SH2B3: variants seen among roughly 807,000 people sequenced by gnomAD.
SH2B3 encodes SH2B adaptor protein 3, also known as SH2B adapter protein 3.
Under a neutral mutation model 51.9 loss-of-function variants are expected in SH2B3, and 43 were observed. That is an observed-to-expected ratio of 0.83 (90% CI 0.65 to 1.07). The LOEUF (loss-of-function observed/expected upper bound fraction) is 1.07. SH2B3 is among the 50% of genes least tolerant of loss of function. The probability of loss-of-function intolerance (pLI) is 0.00; values close to 1 mark genes in which losing one functional copy is unlikely to be tolerated. For synonymous variants in SH2B3, 396 were observed against 376.0 expected, an observed-to-expected ratio of 1.05 and a Z score of -0.62; for missense variants, 952 against 834.3, an observed-to-expected ratio of 1.14 and a Z score of -1.74.
Position 111,448,280 on chromosome 12 carries a change from A to G in SH2B3, c.1706A>G (p.Asp569Gly). Residue 569 changes from aspartate to glycine, a missense_variant, in exon 8 of 8, where the codon GAC becomes GGC. Asp to Gly is a moderately conservative substitution (Grantham distance 94). Transcript: ENST00000341259. ...SSSRSHLRAI[D>G]NQYTPL is the part of the protein sequence containing the mutation. ...TCCCGGAGCCACCTGCGGGCCATAG[A>G]CAATCAGTACACACCTCTCTGACCA... The G allele has an allele frequency of 1.2e-6, 2 of 1,613,126 alleles. No homozygotes were observed. The highest frequency in any genetic ancestry group is 8.5e-7 in the Non-Finnish European group (1 of 1,179,378).
rs768630945 is a variant in SH2B3, at chr12:111,447,750, C to T, written c.1331C>T (p.Ser444Leu). 1.1e-5 allele frequency: 17 copies of T among 1,614,108 alleles called. No homozygotes were observed. The highest frequency in any genetic ancestry group is 4.0e-5 in the African/African-American group (3 of 75,034). ...GACATGCTCCACCACTTCCAGCGCTCGCCCATCCCACTCGAGTGCGGCGCC... is the reference window on the plus strand; with the variant it reads ...GACATGCTCCACCACTTCCAGCGCTTGCCCATCCCACTCGAGTGCGGCGCC... ...VVDMLHHFQR[S>L]PIPLECGAAC... Residue 444 changes from serine (S) to leucine (L), a missense_variant, in exon 7 of 8, where the codon TCG becomes TTG. Physicochemically the swap from Ser to Leu is moderately radical, Grantham distance 145 (BLOSUM62 -2). Coordinates refer to ENST00000341259, the MANE Select transcript of SH2B3 (RefSeq NM_005475.3).
intron 2 of SH2B3, chr12:111,444,629 T>TA (rs1162210837): frequency 3.9e-6 from 2 of 517,148 alleles, no homozygotes; most frequent in African/African-American, 2.0e-5. Flanking sequence ...GGAGGGAACC[T>TA]AAAGCCCCCA....
At chr12:111,425,234 A>AGGCCACAGTCTGCCAGGGGT (rs1871898450) in intron 2 of SH2B3, among the ~76,000 whole-genome samples, 1 of 151,958 alleles carries the variant, frequency 6.6e-6, no homozygotes, top group African/African-American at 2.4e-5. Context: ...GTGCAAGGGG[A>AGGCCACAGTCTGCCAGGGGT]GGCCACAGTC....
chr12:111,441,135 G>C (rs1843063361), intron 2 of SH2B3, among the ~76,000 whole-genome samples: 1 of 151,428 alleles, frequency 6.6e-6, no homozygotes, highest in Admixed American at 6.6e-5. Flanking sequence ...GACTCATTTT[G>C]GGAGGCCGAG....
chr12:111,411,398 A>G (rs1366797760), intron 1 of SH2B3, among the ~76,000 whole-genome samples: 3 of 152,036 alleles, frequency 2.0e-5, no homozygotes, highest in African/African-American at 7.2e-5. Flanking sequence ...CAGCAGGGGA[A>G]TTCCTACCAT....
chr12:111,413,630 C>T (rs566765197), intron 1 of SH2B3, among the ~76,000 whole-genome samples: 1 of 152,290 alleles, frequency 6.6e-6, no homozygotes, highest in Admixed American at 6.5e-5. Context: ...GTAGGACGGC[C>T]CAGGGGGCGG....
At position 111,447,015 on chromosome 12, in the gene SH2B3, CG is replaced by C. The variant is rs1484841487; in HGVS notation, c.910del (p.Glu304SerfsTer20). ...CTGAATTCATGGATGGCTGAGCTCT[CG>C]GAGTGCACAGGCCGAGGGTGAGGTC... ...QQLNSWMAEL[S>X]ECTGRGLEST... On this transcript the variant is annotated frameshift_variant, in exon 4 of 8. Coordinates refer to ENST00000341259, the MANE Select transcript of SH2B3 (RefSeq NM_005475.3). LOFTEE classifies it high-confidence loss of function. 6.2e-7 allele frequency: 1 copy of C among 1,613,970 alleles called. No individual in the cohort carries two copies. The highest frequency in any genetic ancestry group is 8.5e-7 in the Non-Finnish European group (1 of 1,179,878).
chr12:111,405,033 T>C (rs966050504), upstream of SH2B3, among the ~76,000 whole-genome samples: 1 of 151,946 alleles, frequency 6.6e-6, no homozygotes, highest in Non-Finnish European at 1.5e-5. This position sits in a 1 kb window ranked among gnomAD's most constrained non-coding sequence, Gnocchi z 5.4. Context: ...CTCCCACATG[T>C]TGGGGGAGAG....
rs1871288123 is a variant in SH2B3 at position 111,418,636 on chromosome 12, G to A, written c.491G>A (p.Gly164Glu). Residue 164 changes from glycine to glutamate, a missense_variant, in exon 2 of 8, where the codon GGG becomes GAG. Transcript: ENST00000341259. This position sits in a 1 kb window ranked among gnomAD's most constrained non-coding sequence, Gnocchi z 6.7. ...GCGGCCCACACCGCTGCCGCCCCCG[G>A]GACCCCCGGAGAGGCTGCTGAGACC... is the stretch of plus-strand genomic sequence containing the variant. ...LPAAHTAAAPGTPGEAAETPA... is the reference protein window; with the variant it reads ...LPAAHTAAAPETPGEAAETPA... The A allele has an allele frequency of 6.8e-7, 1 of 1,474,060 alleles. No homozygotes were observed. The highest frequency in any genetic ancestry group is 2.4e-5 in the Admixed American group (1 of 42,190). The allele number at this position is 1,474,060 out of a possible 1,614,324, so 91.3% of individuals were successfully genotyped here.
rs1260690615 is a variant in SH2B3 at position 111,407,521 on chromosome 12, T to C, written c.-28+1244T>C. Among the ~76,000 whole-genome samples the C allele has an allele frequency of 2.6e-5, 4 of 152,098 alleles. No individual in the cohort carries two copies. The highest frequency in any genetic ancestry group is 9.7e-5 in the African/African-American group (4 of 41,420). On this transcript the variant is annotated intron_variant, in intron 1 of 7. Transcript: ENST00000341259. The surrounding 1 kb of genome is among the most constrained non-coding windows in gnomAD (Gnocchi z 4.3). Reference sequence around the variant, plus strand: ...ACCTGGCTGCCTGAGTGGAAACAGCTCTGGAGGCTCCTCGGGACCTGCCCT... The same window carrying C: ...ACCTGGCTGCCTGAGTGGAAACAGCCCTGGAGGCTCCTCGGGACCTGCCCT...
intron 1 of SH2B3, among the ~76,000 whole-genome samples, chr12:111,417,809 T>C (rs1362986463): frequency 6.6e-6 from 1 of 152,160 alleles, no homozygotes; most frequent in African/African-American, 2.4e-5. Context: ...TATGCTTAAT[T>C]TGTTGAAAAT....
chr12:111,417,416 A>G (rs892045534), intron 1 of SH2B3, among the ~76,000 whole-genome samples: 30 of 151,946 alleles, frequency 2.0e-4, no homozygotes, highest in Admixed American at 1.8e-3. Context: ...ACTTTTCACC[A>G]TTAAGTACAA....
In SH2B3 at chr12:111,447,971, C is replaced by T. The variant is rs1593079686; in HGVS notation, c.1409-12C>T. On this transcript the variant is annotated splice_polypyrimidine_tract_variant and intron_variant, in intron 7 of 7. Transcript: ENST00000341259. ...GACTGATGGTGTGGTCTCTCTTGGTCACTTGTCCTAGGTTCCTGCAACACG... is the reference window on the plus strand; with the variant it reads ...GACTGATGGTGTGGTCTCTCTTGGTTACTTGTCCTAGGTTCCTGCAACACG... 6.3e-7 allele frequency: 1 copy of T among 1,594,214 alleles called. No individual in the cohort carries two copies. The highest frequency in any genetic ancestry group is 8.6e-7 in the Non-Finnish European group (1 of 1,167,252).
chr12:111,441,129 C>CA (rs1361045268), intron 2 of SH2B3, among the ~76,000 whole-genome samples: 1 of 151,854 alleles, frequency 6.6e-6, no homozygotes, highest in Non-Finnish European at 1.5e-5. Context: ...CGTGGAGACT[C>CA]ATTTTGGGAG....
In SH2B3 at chr12:111,450,873, C is replaced by A; in HGVS notation, c.*2571C>A. The A allele has an allele frequency of 6.6e-6, 1 of 152,470 alleles. No homozygotes were observed. The allele number at this position is 152,470 out of a possible 1,614,324, so 9.4% of individuals were successfully genotyped here. ...CAGGCACCCCACTGGCTGCAGCTAGCCCACCATAGGCACAGCACATCCCAC... is the reference window on the plus strand; with the variant it reads ...CAGGCACCCCACTGGCTGCAGCTAGACCACCATAGGCACAGCACATCCCAC... On this transcript the variant is annotated 3_prime_UTR_variant, in exon 8 of 8. Transcript: ENST00000341259.
chr12:111,434,903 T>C lies in SH2B3; in HGVS notation c.733-11850T>C. The C allele has an allele frequency of 2.0e-6, 3 of 1,535,662 alleles. No individual in the cohort carries two copies. The Middle Eastern group carries it at 5.0e-4, about 256-fold the overall frequency. On this transcript the variant is annotated intron_variant, in intron 2 of 7. Transcript: ENST00000341259. ...GTGCCGGGTGGAGCTCAGAAGGACATGGGATTCCCGGTGCTGTGCCGTGGC... is the reference window on the plus strand; with the variant it reads ...GTGCCGGGTGGAGCTCAGAAGGACACGGGATTCCCGGTGCTGTGCCGTGGC...
chr12:111,444,937 G>C (rs1321944428), intron 2 of SH2B3: 2 of 932,326 alleles, frequency 2.1e-6, no homozygotes, highest in African/African-American at 3.6e-5. Context: ...CGGCTCTCAA[G>C]GGCTGCTGTG....
chr12:111,414,895 T>G (rs1421096731), intron 1 of SH2B3, among the ~76,000 whole-genome samples: 1 of 152,206 alleles, frequency 6.6e-6, no homozygotes, highest in Non-Finnish European at 1.5e-5. Flanking sequence ...GCCACCTGGT[T>G]GGCAGATGAG....
At chr12:111,415,258 G>A (rs1441049238) in intron 1 of SH2B3, among the ~76,000 whole-genome samples, 1 of 152,222 alleles carries the variant, frequency 6.6e-6, no homozygotes, top group East Asian at 1.9e-4. Flanking sequence ...TGAGTAGGGA[G>A]AGCATTTCTT....
Sources: gnomAD v4.1 joint callset for allele counts (sites outside exome capture counted in the v4.1 genomes callset) on GRCh38, gnomAD v4.1.1 for gene constraint, Gnocchi (gnomAD v3.1) non-coding constraint, MANE v1.5 for transcripts, NCBI Gene and HGNC (gene_info 2026-07-23, HGNC 2026-07-21) for gene names.